Variants in IGFL2 observed in about 807,000 individuals in gnomAD.
The protein encoded by IGFL2 is insulin growth factor-like family member 2.
In IGFL2, 7 loss-of-function variants were observed where a neutral mutation model predicts 13.9. The observed-to-expected ratio is 0.51, with a 90% confidence interval of 0.29 to 0.95. The LOEUF (loss-of-function observed/expected upper bound fraction) is 0.95. Among genes scored for constraint, IGFL2 ranks in the 40% least tolerant of loss-of-function variants. The pLI, the probability that IGFL2 is intolerant of heterozygous loss-of-function variation, is 0.08. For synonymous variants in IGFL2, 55 were observed against 55.8 expected, an observed-to-expected ratio of 0.99 and a Z score of 0.07; for missense variants, 138 against 147.8, an observed-to-expected ratio of 0.93 and a Z score of 0.34.
At chr19:46,184,597 T>A in the IGFL2 span, among the ~76,000 whole-genome samples, 781 of 152,308 alleles carry the variant, frequency 5.1e-3, 5 homozygotes, top group African/African-American at 0.018. Context: ...AGCCTTTTTT[T>A]ATGGCTACAT....
chr19:46,186,146 C>T, the IGFL2 span, among the ~76,000 whole-genome samples: 1 of 152,162 alleles, frequency 6.6e-6, no homozygotes, highest in South Asian at 2.1e-4. Flanking sequence ...CCCAAATTTC[C>T]CCAAGACTCC....
At chr19:46,145,247 A>T (rs1973059553), upstream of IGFL2, among the ~76,000 whole-genome samples, 1 of 152,152 alleles carries the variant, frequency 6.6e-6, no homozygotes, top group Non-Finnish European at 1.5e-5. Flanking sequence ...TCAGTAAAAT[A>T]TGAGAAATTC....
At chr19:46,102,864 A>G in the IGFL2 span, among the ~76,000 whole-genome samples, 2 of 152,174 alleles carry the variant, frequency 1.3e-5, no homozygotes, top group African/African-American at 2.4e-5. Context: ...AATTTTTCTC[A>G]TGGCTGCTTT....
chr19:46,204,545 G>C, the IGFL2 span, among the ~76,000 whole-genome samples: 1 of 152,202 alleles, frequency 6.6e-6, no homozygotes, highest in Non-Finnish European at 1.5e-5. Flanking sequence ...ATGGCAGTGA[G>C]TGATGCAGCC....
chr19:46,173,216 C>G, the IGFL2 span, among the ~76,000 whole-genome samples: 1 of 152,180 alleles, frequency 6.6e-6, no homozygotes, highest in East Asian at 1.9e-4. Context: ...AACGTGTCCC[C>G]AACACCACTG....
At chr19:46,148,003 C>T (rs968792155), upstream of IGFL2, 2 of 395,714 alleles carry the variant, frequency 5.1e-6, no homozygotes, top group African/African-American at 2.1e-5. Flanking sequence ...CACTCACTCA[C>T]GGCTTTGAAA....
the IGFL2 span, among the ~76,000 whole-genome samples, chr19:46,092,280 C>T: frequency 6.6e-6 from 1 of 152,114 alleles, no homozygotes; most frequent in Non-Finnish European, 1.5e-5. Context: ...CTGCCTCAGT[C>T]CCCTGAGTAT....
chr19:46,095,201 C>T, the IGFL2 span, among the ~76,000 whole-genome samples: 1 of 152,150 alleles, frequency 6.6e-6, no homozygotes, highest in Non-Finnish European at 1.5e-5. Flanking sequence ...TGTTTCTTGA[C>T]TTTTTAAATA....
intron 1 of IGFL2, chr19:46,148,781 C>T: frequency 7.7e-7 from 1 of 1,290,684 alleles, no homozygotes; most frequent in Non-Finnish European, 1.0e-6. Context: ...GGGTTGGGGG[C>T]TCCCAGAGGT....
downstream of IGFL2, among the ~76,000 whole-genome samples, chr19:46,163,236 A>G (rs752894257): frequency 6.6e-6 from 1 of 152,072 alleles, no homozygotes; most frequent in African/African-American, 2.4e-5. Flanking sequence ...TGTGATTATG[A>G]CTTGGGACTC....
chr19:46,200,997 TACTC>T, the IGFL2 span, among the ~76,000 whole-genome samples: 1 of 152,220 alleles, frequency 6.6e-6, no homozygotes, highest in African/African-American at 2.4e-5. Flanking sequence ...ATCTATGACA[TACTC>T]AAGCAGTTAT....
At chr19:46,173,331 G>A in the IGFL2 span, among the ~76,000 whole-genome samples, 6 of 152,154 alleles carry the variant, frequency 3.9e-5, no homozygotes, top group Non-Finnish European at 5.9e-5. Flanking sequence ...AAGCACTATC[G>A]TATCCTCATG....
chr19:46,113,569 G>A, the IGFL2 span: 163 of 285,748 alleles, frequency 5.7e-4, no homozygotes, highest in Non-Finnish European at 9.2e-4. Context: ...AAGAGAAGCA[G>A]GAAATAAGAT....
At chr19:46,131,800 A>G in the IGFL2 span, among the ~76,000 whole-genome samples, 1 of 152,148 alleles carries the variant, frequency 6.6e-6, no homozygotes, top group South Asian at 2.1e-4. Flanking sequence ...TTAGCCGGGC[A>G]TGGTGGCCTA....
At chr19:46,133,096 CTG>C in the IGFL2 span, among the ~76,000 whole-genome samples, 1 of 152,148 alleles carries the variant, frequency 6.6e-6, no homozygotes, top group African/African-American at 2.4e-5. Context: ...CTTGGCGACA[CTG>C]AATCAGAAGT....
the IGFL2 span, among the ~76,000 whole-genome samples, chr19:46,103,618 G>A: frequency 7.1e-6 from 1 of 141,184 alleles, no homozygotes; most frequent in African/African-American, 2.8e-5. Flanking sequence ...GTGTAAACAG[G>A]GGCACGACAC....
chr19:46,160,364 T>C, intron 1 of IGFL2, 51 bp from the exon 2 acceptor site: 1 of 1,543,508 alleles, frequency 6.5e-7, no homozygotes, highest in Non-Finnish European at 8.9e-7. Context: ...GAGATCAACC[T>C]AGTGGCCACA....
At chr19:46,194,860 T>A in the IGFL2 span, among the ~76,000 whole-genome samples, 12,031 of 72,416 alleles carry the variant, frequency 0.17, 764 homozygotes, top group Non-Finnish European at 0.27. Flanking sequence ...ATATTTTTTT[T>A]TTTTTTTTTT....
At chr19:46,086,422 C>A in the IGFL2 span, among the ~76,000 whole-genome samples, 1 of 152,160 alleles carries the variant, frequency 6.6e-6, no homozygotes, top group East Asian at 1.9e-4. Flanking sequence ...CTCCTGTGTT[C>A]AAGAAATTCT....
Sources: allele counts gnomAD v4.1 joint callset (sites outside exome capture counted in the v4.1 genomes callset), GRCh38; gene constraint gnomAD v4.1.1; transcripts MANE v1.5; gene names NCBI Gene and HGNC (gene_info 2026-07-23, HGNC 2026-07-21).